Variants in SENP6 observed in about 807,000 individuals in gnomAD.
SENP6 encodes the protein sentrin-specific protease 6.
SENP6 carries 41 observed loss-of-function variants against 134.5 expected under a neutral mutation model. That is an observed-to-expected ratio of 0.30 (90% CI 0.24 to 0.40). SENP6 has a LOEUF of 0.40. Ranked by LOEUF, SENP6 falls within the 10% of genes least tolerant of loss-of-function variation. The pLI is 1.00. For missense variants in SENP6, 1,248 were observed against 1,312.5 expected (o/e 0.95, Z 0.76); for synonymous variants, 395 against 429.8 (o/e 0.92, Z 1.00).
chr6:75,662,303 A>AT (rs1157142622), intron 8 of SENP6, among the ~76,000 whole-genome samples: 1 of 151,278 alleles, frequency 6.6e-6, no homozygotes, highest in African/African-American at 2.4e-5. Flanking sequence ...TTTCTCTTCA[A>AT]TTTTTTTTGT....
At position 75,677,373 on chromosome 6, in the gene SENP6, ATTAC is replaced by A. The variant is rs1362309348; in HGVS notation, c.1848+124_1848+127del. 6.2e-6 allele frequency: 5 copies of A among 800,034 alleles called. No homozygotes were observed. The African/African-American group carries it at 8.8e-5, about 14-fold the overall frequency. 49.6% of individuals were successfully genotyped at this position (800,034 alleles called of 1,614,324 possible). A position where few individuals can be genotyped will look rare whatever the true frequency, so the allele number is the denominator to read the frequency against. On this transcript the variant is annotated intron_variant, in intron 14 of 23. Transcript: ENST00000447266. ...TAAATCTTTTTAATTTTATTTCAGA[ATTAC>A]TTACTTTTATGTGTGATTTGTAAAC...
intron 1 of SENP6, among the ~76,000 whole-genome samples, chr6:75,603,685 G>C (rs1254185884): frequency 6.6e-6 from 1 of 152,128 alleles, no homozygotes; most frequent in Non-Finnish European, 1.5e-5. Flanking sequence ...GGAATGCTTT[G>C]GTACTGCTTT....
chr6:75,650,849 T>C (rs1770807614), intron 7 of SENP6, among the ~76,000 whole-genome samples: 1 of 152,232 alleles, frequency 6.6e-6, no homozygotes, highest in South Asian at 2.1e-4. Flanking sequence ...GATCACTAAT[T>C]ACTTGCATAA....
chr6:75,675,171 A>G (rs1027559992), intron 11 of SENP6, among the ~76,000 whole-genome samples: 1 of 151,984 alleles, frequency 6.6e-6, no homozygotes, highest in Non-Finnish European at 1.5e-5. Context: ...GTACCCCTGA[A>G]CCTAAAATAA....
At chr6:75,604,556 C>T (rs191654491) in intron 1 of SENP6, among the ~76,000 whole-genome samples, 4 of 151,052 alleles carry the variant, frequency 2.6e-5, no homozygotes, top group African/African-American at 9.7e-5. Context: ...CGCTTGGAAA[C>T]GGGAGGCAGA....
Position 75,675,474 on chromosome 6 carries a change from CT to C in SENP6, c.1426+7del. ...TATCAAGATACAGCTAGACGGTAAG[CT>C]ATTTTATGTCTTTTTACTTACCAAA... On this transcript the variant is annotated splice_region_variant and intron_variant, in intron 12 of 23. Transcript: ENST00000447266. 2 of 1,436,434 alleles carry C rather than the reference CT, an allele frequency of 1.4e-6. No individual in the cohort carries two copies. The highest frequency in any genetic ancestry group is 1.9e-6 in the Non-Finnish European group (2 of 1,044,666). The allele number at this position is 1,436,434 out of a possible 1,614,324, so 89.0% of individuals were successfully genotyped here. A position where few individuals can be genotyped will look rare whatever the true frequency, so the allele number is the denominator to read the frequency against.
chr6:75,674,672 C>G (rs1772948933), intron 11 of SENP6, among the ~76,000 whole-genome samples: 1 of 152,162 alleles, frequency 6.6e-6, no homozygotes, highest in Non-Finnish European at 1.5e-5. Flanking sequence ...TTAACACATT[C>G]CTTTCAGATG....
chr6:75,701,982 A>AT (rs1313538431), intron 18 of SENP6, among the ~76,000 whole-genome samples: 1 of 152,038 alleles, frequency 6.6e-6, no homozygotes, highest in Non-Finnish European at 1.5e-5. Context: ...ATCTTTTTAC[A>AT]TAAAGAGAAG....
chr6:75,692,717 G>A (rs72886897), intron 16 of SENP6, among the ~76,000 whole-genome samples: 43,160 of 150,480 alleles, frequency 0.29, 6,743 homozygotes, highest in Middle Eastern at 0.37. Flanking sequence ...CACATCCCTC[G>A]CCCCCCATCC....
intron 14 of SENP6, 85 bp from the exon 15 acceptor site, chr6:75,678,498 A>G: frequency 1.4e-6 from 1 of 703,514 alleles, no homozygotes; most frequent in South Asian, 1.8e-5. Context: ...TTTTGCATTG[A>G]AAAGCATTCT....
In SENP6 at chr6:75,649,797, C is replaced by T. The variant is rs139663577; in HGVS notation, c.550+1996C>T. ...CCCAAAGTGCTGGGATTACACGCGTCAGCCACCGCGCCTGGCCCTTAACCT... is the reference window on the plus strand; with the variant it reads ...CCCAAAGTGCTGGGATTACACGCGTTAGCCACCGCGCCTGGCCCTTAACCT... On this transcript the variant is annotated intron_variant, in intron 7 of 23. Coordinates refer to ENST00000447266, the MANE Select transcript of SENP6 (RefSeq NM_015571.4). Among the ~76,000 whole-genome samples, 440 of 152,252 alleles carry T rather than the reference C, an allele frequency of 2.9e-3. 3 individuals are homozygous for T. Among genetic ancestry groups the T allele is most frequent in the African/African-American group, 9.8e-3 (409 of 41,562 alleles).
intron 1 of SENP6, among the ~76,000 whole-genome samples, chr6:75,613,236 A>G (rs1291744181): frequency 6.6e-6 from 1 of 152,244 alleles, no homozygotes; most frequent in East Asian, 1.9e-4. Context: ...AAAAGTCAAA[A>G]GAAGAATGTT....
chr6:75,669,946 T>A (rs1772538444), intron 10 of SENP6, among the ~76,000 whole-genome samples: 1 of 152,164 alleles, frequency 6.6e-6, no homozygotes, highest in Non-Finnish European at 1.5e-5. Context: ...AGATTTTTTT[T>A]TTTTAAGAAG....
At chr6:75,692,939 C>T (rs752796000) in intron 16 of SENP6, among the ~76,000 whole-genome samples, 3 of 152,124 alleles carry the variant, frequency 2.0e-5, no homozygotes, top group South Asian at 4.1e-4. Flanking sequence ...GGTATGGTGG[C>T]GTATGCCTGT....
chr6:75,675,514 C>G (rs377163914), intron 12 of SENP6, 46 bp downstream of exon 12: 207 of 1,162,816 alleles, frequency 1.8e-4, no homozygotes, highest in Admixed American at 4.6e-4. Context: ...TTCTTTACAC[C>G]AAAGCACTTT....
intron 16 of SENP6, among the ~76,000 whole-genome samples, chr6:75,692,839 AGACC>A (rs1774376716): frequency 6.6e-6 from 1 of 151,828 alleles, no homozygotes; most frequent in African/African-American, 2.4e-5. Flanking sequence ...CAAGGCAAGC[AGACC>A]ACCTGAGCCC....
rs1562003110 is a variant in SENP6 at position 75,647,687 on chromosome 6, C to G, written c.480-44C>G. 3 of 1,361,676 alleles carry G rather than the reference C, an allele frequency of 2.2e-6. No homozygotes were observed. In the South Asian group the frequency reaches 3.6e-5, roughly 16 times the overall value. 84.3% of individuals were successfully genotyped at this position (1,361,676 alleles called of 1,614,324 possible). ...GCCATTAACTTTTTCATTTTGAAAA[C>G]TGTATTTCCTGTTAGAATAAAACTA... On this transcript the variant is annotated intron_variant, in intron 6 of 23. Coordinates refer to ENST00000447266, the MANE Select transcript of SENP6 (RefSeq NM_015571.4).
In SENP6 at chr6:75,647,742, C is replaced by CA; in HGVS notation, c.492dup (p.Pro165ThrfsTer7). 1 of 1,608,864 alleles carries CA rather than the reference C, an allele frequency of 6.2e-7. No individual in the cohort carries two copies. The highest frequency in any genetic ancestry group is 8.5e-7 in the Non-Finnish European group (1 of 1,175,870). ...AATTTCTTTTTTAGGAAAGAATACC[C>CA]ACCTCATGTCCAAAAAGTTGAAATT... is the stretch of plus-strand genomic sequence containing the variant. On this transcript the variant is annotated frameshift_variant, in exon 7 of 24. Coordinates refer to ENST00000447266, the MANE Select transcript of SENP6 (RefSeq NM_015571.4). LOFTEE classifies it high-confidence loss of function.
intron 1 of SENP6, 126 bp downstream of exon 1, chr6:75,602,702 G>C: frequency 1.0e-6 from 1 of 960,604 alleles, no homozygotes. Flanking sequence ...CGAGGGATGA[G>C]CGATGACGGG....
Sources: allele counts gnomAD v4.1 joint callset (sites outside exome capture counted in the v4.1 genomes callset), GRCh38; gene constraint gnomAD v4.1.1; transcripts MANE v1.5; gene names NCBI Gene and HGNC (gene_info 2026-07-23, HGNC 2026-07-21).